Variants in BTBD8 observed in about 807,000 individuals in gnomAD.
BTBD8 encodes BTB/POZ domain-containing protein 8.
BTBD8 carries 110 observed loss-of-function variants against 162.9 expected under a neutral mutation model. The ratio of observed to expected loss-of-function variants is 0.68; its 90% CI spans 0.58 to 0.79. BTBD8 has a LOEUF of 0.79. BTBD8 is among the 30% of genes least tolerant of loss of function. The pLI, the probability that BTBD8 is intolerant of heterozygous loss-of-function variation, is 0.00. For synonymous variants in BTBD8, 667 were observed against 716.1 expected (o/e 0.93, Z 1.10); for missense variants, 1,905 against 2,085.4 (o/e 0.91, Z 1.68).
At chr1:92,138,253 T>G (rs573044) in intron 5 of BTBD8, among the ~76,000 whole-genome samples, 113,459 of 152,176 alleles carry the variant, frequency 0.75, 43,618 homozygotes, top group East Asian at 0.97. Flanking sequence ...GATCCAATTT[T>G]TATAATCAAC....
chr1:92,155,774 T>C (rs544975777), intron 9 of BTBD8, among the ~76,000 whole-genome samples: 13 of 152,376 alleles, frequency 8.5e-5, no homozygotes, highest in Admixed American at 7.2e-4. Flanking sequence ...AACTGATTAT[T>C]GTATGTTCAT....
chr1:92,182,257 A>G lies in BTBD8; in HGVS notation c.4574A>G (p.Lys1525Arg). Residue 1525 changes from lysine to arginine, a missense_variant, in exon 17 of 18, where the codon AAA becomes AGA. Physicochemically the swap from Lys to Arg is conservative, Grantham distance 26. This residue lies in a region of BTBD8 where 517 missense variants were observed against 606.6 expected (regional missense o/e 0.85). Transcript: ENST00000636805. Reference protein sequence around the residue: ...LDLSSIDSSRKNKQSVSATEK... With the variant: ...LDLSSIDSSRRNKQSVSATEK... ...CTTAGTAGCATTGACTCTTCAAGAA[A>G]AAATAAACAGAGTGTTTCAGCCACA... 1 of 1,551,254 alleles carries G rather than the reference A, an allele frequency of 6.4e-7. No homozygotes were observed. Among genetic ancestry groups the G allele is most frequent in the South Asian group, 1.2e-5 (1 of 83,994 alleles).
At chr1:92,093,537 T>TA (rs1284833130) in intron 2 of BTBD8, among the ~76,000 whole-genome samples, 2 of 152,110 alleles carry the variant, frequency 1.3e-5, no homozygotes, top group Non-Finnish European at 2.9e-5. Flanking sequence ...TAGTAGGTGA[T>TA]AGAGAGTTGT....
chr1:92,174,159 A>G (rs1184965798), intron 13 of BTBD8, among the ~76,000 whole-genome samples: 1 of 152,130 alleles, frequency 6.6e-6, no homozygotes, highest in Non-Finnish European at 1.5e-5. Context: ...GTGAGGATTC[A>G]TTATACTCTT....
intron 2 of BTBD8, among the ~76,000 whole-genome samples, chr1:92,095,706 T>C (rs1257478414): frequency 2.0e-5 from 3 of 152,214 alleles, no homozygotes; most frequent in Non-Finnish European, 4.4e-5. Flanking sequence ...TAATTGCAAT[T>C]GCTATGTAGA....
intron 6 of BTBD8, among the ~76,000 whole-genome samples, chr1:92,140,471 G>A (rs907425968): frequency 2.6e-5 from 4 of 151,924 alleles, no homozygotes; most frequent in African/African-American, 7.3e-5. Flanking sequence ...AAATTACTTG[G>A]TTCCTTTAAT....
At chr1:92,145,970 G>A (rs10783112) in intron 7 of BTBD8, among the ~76,000 whole-genome samples, 95,751 of 151,070 alleles carry the variant, frequency 0.63, 30,790 homozygotes, top group East Asian at 0.97. Context: ...GACAGAGTGA[G>A]AATCTGTCTC....
At chr1:92,094,153 T>C (rs1648389631) in intron 2 of BTBD8, among the ~76,000 whole-genome samples, 1 of 152,238 alleles carries the variant, frequency 6.6e-6, no homozygotes, top group African/African-American at 2.4e-5. Context: ...TTCATAGCAC[T>C]TCACAGTGCT....
chr1:92,160,847 T>C (rs1228136614), intron 9 of BTBD8, among the ~76,000 whole-genome samples: 1 of 152,180 alleles, frequency 6.6e-6, no homozygotes, highest in Admixed American at 6.6e-5. Context: ...ATATGGTGAC[T>C]ACCAACCCAA....
At chr1:92,098,839 A>G (rs1488743103) in intron 2 of BTBD8, among the ~76,000 whole-genome samples, 3 of 152,190 alleles carry the variant, frequency 2.0e-5, no homozygotes, top group Non-Finnish European at 4.4e-5. Flanking sequence ...CTTATCAGAC[A>G]TGATTTGCAG....
intron 4 of BTBD8, among the ~76,000 whole-genome samples, chr1:92,117,848 C>G (rs1287638084): frequency 1.3e-5 from 2 of 151,980 alleles, no homozygotes; most frequent in African/African-American, 4.8e-5. Flanking sequence ...GTAGAGCTTA[C>G]TTCATTTGTT....
At chr1:92,127,660 G>A (rs566301743) in intron 4 of BTBD8, among the ~76,000 whole-genome samples, 5 of 151,498 alleles carry the variant, frequency 3.3e-5, no homozygotes, top group Middle Eastern at 3.4e-3. Context: ...CTGCAACCTC[G>A]GCCTCCTGGG....
intron 4 of BTBD8, among the ~76,000 whole-genome samples, chr1:92,124,251 A>G (rs72956863): frequency 0.039 from 5,901 of 152,324 alleles, 419 homozygotes; most frequent in African/African-American, 0.13. Context: ...CCTTGAAAGC[A>G]TGCTTTCCTT....
intron 12 of BTBD8, among the ~76,000 whole-genome samples, chr1:92,170,411 A>G (rs556606668): frequency 1.3e-5 from 2 of 152,240 alleles, no homozygotes; most frequent in East Asian, 3.9e-4. Context: ...TTCGTATGTC[A>G]TAGTTGAGTT....
intron 9 of BTBD8, among the ~76,000 whole-genome samples, chr1:92,166,288 G>A (rs929240882): frequency 2.6e-5 from 4 of 152,218 alleles, no homozygotes; most frequent in African/African-American, 7.2e-5. Context: ...CTATGCTGGT[G>A]TAGCCATGCA....
chr1:92,141,971 C>T (rs895691423), intron 7 of BTBD8, among the ~76,000 whole-genome samples: 1 of 152,166 alleles, frequency 6.6e-6, no homozygotes, highest in Admixed American at 6.5e-5. Flanking sequence ...GTTTTAATAA[C>T]GCTTAAATTT....
At chr1:92,155,991 G>A (rs1650152445) in intron 9 of BTBD8, among the ~76,000 whole-genome samples, 1 of 152,144 alleles carries the variant, frequency 6.6e-6, no homozygotes, top group Admixed American at 6.5e-5. Flanking sequence ...GAGAGAATGA[G>A]CATCCTTGTC....
At chr1:92,115,614 T>G in intron 4 of BTBD8, 1 of 388,198 alleles carries the variant, frequency 2.6e-6, no homozygotes, top group South Asian at 2.3e-5. Context: ...AAGCTTCCTG[T>G]TTTCAGCCTT....
intron 14 of BTBD8, 63 bp from the exon 15 acceptor site, chr1:92,177,748 C>G: frequency 9.8e-7 from 1 of 1,023,694 alleles, no homozygotes; most frequent in Non-Finnish European, 1.5e-6. Context: ...AACCAGTAAA[C>G]TTACACGTTT....
Sources: allele counts gnomAD v4.1 joint callset (sites outside exome capture counted in the v4.1 genomes callset), GRCh38; gene constraint gnomAD v4.1.1; regional missense constraint gnomAD v4.1.1; transcripts MANE v1.5; gene names NCBI Gene and HGNC (gene_info 2026-07-23, HGNC 2026-07-21).